Variants in CELF5 observed in about 807,000 individuals in gnomAD.
CELF5 encodes the protein CUGBP Elav-like family member 5, also known as CUG-BP and ETR-3 like factor 5.
A neutral mutation model predicts 54.9 loss-of-function variants in CELF5; 6 were observed. The observed-to-expected ratio is 0.11, with a 90% CI of 0.06 to 0.22. The LOEUF (loss-of-function observed/expected upper bound fraction) is 0.22. Among genes scored for constraint, CELF5 ranks in the 10% least tolerant of loss-of-function variants. The pLI is 1.00. For missense variants in CELF5, 401 were observed against 678.6 expected (o/e 0.59, Z 4.54); for synonymous variants, 271 against 290.9 (o/e 0.93, Z 0.70).
chr19:3,263,092 A>G (rs1367514729), intron 2 of CELF5, among the ~76,000 whole-genome samples: 1 of 149,460 alleles, frequency 6.7e-6, no homozygotes, highest in African/African-American at 2.5e-5. Context: ...CTAAACATAC[A>G]AAAAATTAGC....
In CELF5 at chr19:3,228,617, G is replaced by A. The variant is rs1004230120; in HGVS notation, c.259+3619G>A. The stretch of plus-strand genomic sequence containing the variant: ...GTTGCGCTGGGGGACGGTGCAGGTG[G>A]GGGGGGGGCCCGGCGGGGGCCCGGG... On this transcript the variant is annotated intron_variant, in intron 1 of 12. Transcript: ENST00000292672. The surrounding 1 kb of genome is among the most constrained non-coding windows in gnomAD (Gnocchi z 6.0). Among the ~76,000 whole-genome samples, 21 of 149,592 alleles carry A rather than the reference G, an allele frequency of 1.4e-4. No homozygotes were observed. Among genetic ancestry groups the A allele is most frequent in the Non-Finnish European group, 2.8e-4 (19 of 67,238 alleles).
intron 11 of CELF5, 113 bp from the exon 12 acceptor site, chr19:3,293,206 G>C (rs1339050616): frequency 5.8e-6 from 8 of 1,385,704 alleles, no homozygotes; most frequent in Non-Finnish European, 8.0e-6. Flanking sequence ...CTGTGCAGGT[G>C]TGCACGCAGG....
chr19:3,277,208 G>T (rs2080070092), intron 4 of CELF5, among the ~76,000 whole-genome samples: 1 of 152,182 alleles, frequency 6.6e-6, no homozygotes, highest in African/African-American at 2.4e-5. Flanking sequence ...GGGCGTGGTG[G>T]CTCACGCCTG....
Position 3,239,171 on chromosome 19 carries a change from C to T in CELF5, c.260-11814C>T, listed in dbSNP as rs184268916. On this transcript the variant is annotated intron_variant, in intron 1 of 12. Coordinates refer to ENST00000292672, the MANE Select transcript of CELF5 (RefSeq NM_021938.4). ...CTGGAGTGCAGTGGTATGATCATAG[C>T]TTGCTGCAGCCTCGACCTCCCAGGC... Among the ~76,000 whole-genome samples the T allele has an allele frequency of 2.3e-3, 349 of 152,218 alleles. 3 individuals carry two copies. The highest frequency in any genetic ancestry group is 0.018 in the South Asian group (85 of 4,820).
At chr19:3,225,467 GCCCCCCCA>G in intron 1 of CELF5, 32 of 61,798 alleles carry the variant, frequency 5.2e-4, no homozygotes, top group Non-Finnish European at 8.0e-4. Context: ...ACCCCTCCCT[GCCCCCCCA>G]CCCCCATTCA....
intron 2 of CELF5, among the ~76,000 whole-genome samples, chr19:3,251,652 C>CT (rs1195812856): frequency 0.092 from 6,216 of 67,304 alleles, 342 homozygotes; most frequent in East Asian, 0.11. Flanking sequence ...ACAAGGGCTT[C>CT]TTTTTTTTTT....
chr19:3,273,982 A>T (rs2080007661), intron 3 of CELF5, 59 bp downstream of exon 3: 2 of 1,541,144 alleles, frequency 1.3e-6, no homozygotes. Flanking sequence ...GAGAAGAAGG[A>T]AAATCTCTTC....
At chr19:3,256,340 A>G (rs1333341763) in intron 2 of CELF5, among the ~76,000 whole-genome samples, 1 of 151,926 alleles carries the variant, frequency 6.6e-6, no homozygotes, top group Non-Finnish European at 1.5e-5. Context: ...TGACTCCCCC[A>G]GATTGGGAGC....
At chr19:3,256,534 T>TTTATTATTA (rs58462515) in intron 2 of CELF5, among the ~76,000 whole-genome samples, 28 of 144,466 alleles carry the variant, frequency 1.9e-4, no homozygotes, top group Admixed American at 3.5e-4. Flanking sequence ...GGAGGTTTCA[T>TTTATTATTA]TTATTATTAT....
chr19:3,230,689 G>C (rs1020512103), intron 1 of CELF5, among the ~76,000 whole-genome samples: 1 of 152,166 alleles, frequency 6.6e-6, no homozygotes, highest in South Asian at 2.1e-4. Context: ...TTCACATCCT[G>C]TTAACTCCCA....
intron 9 of CELF5, 72 bp from the exon 10 acceptor site, chr19:3,285,870 C>T (rs560269430): frequency 1.6e-4 from 181 of 1,128,884 alleles, no homozygotes; most frequent in Non-Finnish European, 2.1e-4. Context: ...GCCCCCTCCC[C>T]GCCCAGCGGC....
chr19:3,254,999 T>C (rs1414226619), intron 2 of CELF5, among the ~76,000 whole-genome samples: 1 of 151,802 alleles, frequency 6.6e-6, no homozygotes, highest in Non-Finnish European at 1.5e-5. Flanking sequence ...CACCCACACA[T>C]CCATTCACCC....
intron 1 of CELF5, among the ~76,000 whole-genome samples, chr19:3,248,887 TTCCTTCCTTCCTTCCTTC>T (rs1341755598): frequency 6.0e-5 from 8 of 132,660 alleles, no homozygotes; most frequent in South Asian, 2.9e-4. Flanking sequence ...CCTTCCTTCC[TTCCTTCCTTCCTTCCTTC>T]CTTTCTTTCT....
chr19:3,258,160 G>A (rs2079758102), intron 2 of CELF5, among the ~76,000 whole-genome samples: 1 of 151,942 alleles, frequency 6.6e-6, no homozygotes, highest in African/African-American at 2.4e-5. Flanking sequence ...GTTTCACCAT[G>A]TTGGCCAGAC....
chr19:3,254,754 C>A (rs552782237), intron 2 of CELF5, among the ~76,000 whole-genome samples: 2 of 151,630 alleles, frequency 1.3e-5, no homozygotes, highest in East Asian at 3.9e-4. Context: ...ATCTATCCAC[C>A]CACTCATCTA....
At chr19:3,293,550 G>T (rs1284548677) in intron 12 of CELF5, 64 bp downstream of exon 12, 1 of 1,352,312 alleles carries the variant, frequency 7.4e-7, no homozygotes, top group Non-Finnish European at 1.0e-6. Flanking sequence ...CCCCTCCCGC[G>T]GCCCACTTCA....
chr19:3,240,552 T>C (rs1424862074), intron 1 of CELF5, among the ~76,000 whole-genome samples: 1 of 151,872 alleles, frequency 6.6e-6, no homozygotes, highest in Non-Finnish European at 1.5e-5. Flanking sequence ...GGTCTTGAAC[T>C]CCTGACCTTA....
intron 8 of CELF5, among the ~76,000 whole-genome samples, chr19:3,284,400 G>C (rs2080199698): frequency 6.6e-6 from 1 of 152,136 alleles, no homozygotes; most frequent in African/African-American, 2.4e-5. Context: ...AGAATCATCA[G>C]CTTTGGTGGC....
intron 1 of CELF5, among the ~76,000 whole-genome samples, chr19:3,226,329 G>T (rs1916908641): frequency 1.3e-5 from 2 of 152,118 alleles, no homozygotes; most frequent in South Asian, 2.1e-4. Flanking sequence ...CCTAGGGAGG[G>T]TCTGGTGAGA....
Sources: allele counts gnomAD v4.1 joint callset (sites outside exome capture counted in the v4.1 genomes callset), GRCh38; gene constraint gnomAD v4.1.1; non-coding constraint Gnocchi (gnomAD v3.1); transcripts MANE v1.5; gene names NCBI Gene and HGNC (gene_info 2026-07-23, HGNC 2026-07-21).